Variants in OTC observed in about 807,000 individuals in gnomAD.
The protein encoded by OTC is ornithine transcarbamylase, also known as ornithine transcarbamylase, mitochondrial.
OTC carries 3 observed loss-of-function variants against 30.3 expected under a neutral mutation model. That is an observed-to-expected ratio of 0.10 (90% CI 0.05 to 0.26). The LOEUF (loss-of-function observed/expected upper bound fraction) is 0.26. Among genes scored for constraint, OTC ranks in the 10% least tolerant of loss-of-function variants. The probability of loss-of-function intolerance (pLI) is 1.00; values close to 1 mark genes in which losing one functional copy is unlikely to be tolerated. For missense variants in OTC, 194 were observed against 260.3 expected, an observed-to-expected ratio of 0.75 and a Z score of 1.75; for synonymous variants, 111 against 99.7, an observed-to-expected ratio of 1.11 and a Z score of -0.67.
intron 9 of OTC, among the ~76,000 whole-genome samples, chrX:38,412,356 T>A (rs1243069867): frequency 1.8e-5 from 2 of 112,163 alleles, no homozygotes; most frequent in Non-Finnish European, 3.8e-5. Context: ...AGTTCCTGTA[T>A]AAAATGGGCA....
At chrX:38,359,213 T>G (rs942997461) in intron 1 of OTC, among the ~76,000 whole-genome samples, 13 of 111,380 alleles carry the variant, frequency 1.2e-4, no homozygotes, top group Non-Finnish European at 2.1e-4. Flanking sequence ...GTGCTTAGGA[T>G]CCAAGATTAG....
At chrX:38,391,439 T>C (rs1178170758) in intron 4 of OTC, among the ~76,000 whole-genome samples, 1 of 111,569 alleles carries the variant, frequency 9.0e-6, no homozygotes, top group Non-Finnish European at 1.9e-5. Flanking sequence ...TCAGCTATTT[T>C]GTCTGATATC....
chrX:38,352,884 C>T lies in OTC; in HGVS notation c.77+111C>T, dbSNP rs1014100664. 2.4e-5 allele frequency: 14 copies of T among 574,686 alleles called. No individual in the cohort carries two copies. In the African/African-American group the frequency reaches 2.9e-4, roughly 12 times the overall value. The allele number at this position is 574,686 out of a possible 1,213,427, so 47.4% of individuals were successfully genotyped here. On this transcript the variant is annotated intron_variant, in intron 1 of 9. Transcript: ENST00000039007. ...GAATGTAGTGCCACGCTCTGCTTTA[C>T]TCTTATTTGAGACAGCTGCCTCTAA... is the stretch of plus-strand genomic sequence containing the variant.
Position 38,401,362 on chromosome X carries a change from A to C in OTC, c.474A>C (p.Pro158=). The C allele has an allele frequency of 8.3e-7, 1 of 1,201,025 alleles. No individual in the cohort carries two copies. Among genetic ancestry groups the C allele is most frequent in the East Asian group, 3.0e-5 (1 of 33,785 alleles). ...CCCTGGCTAAAGAAGCATCCATCCCAATTATCAATGGGCTGTCAGATTTGT... is the reference window on the plus strand; with the variant it reads ...CCCTGGCTAAAGAAGCATCCATCCCCATTATCAATGGGCTGTCAGATTTGT... ...LDTLAKEASI[P]IINGLSDLYH... Residue 158 remains proline (P), a synonymous_variant, in exon 5 of 10, where the codon CCA becomes CCC. Transcript: ENST00000039007.
chrX:38,368,415 A>G (rs2068307761), intron 2 of OTC, among the ~76,000 whole-genome samples: 1 of 111,193 alleles, frequency 9.0e-6, no homozygotes, highest in African/African-American at 3.3e-5. Flanking sequence ...TTTTGGATGC[A>G]TATCAGATAT....
At chrX:38,377,331 A>G (rs5917206) in intron 3 of OTC, among the ~76,000 whole-genome samples, 29,441 of 110,726 alleles carry the variant, frequency 0.27, 3,425 homozygotes, top group African/African-American at 0.41. Flanking sequence ...TAAGAGGGAC[A>G]TGTACATCAA....
chrX:38,412,147 T>C, intron 9 of OTC, 148 bp downstream of exon 9: 1 of 545,282 alleles, frequency 1.8e-6, no homozygotes, highest in Middle Eastern at 3.4e-4. Context: ...AACTTTATAA[T>C]ACATCATTAG....
intron 9 of OTC, 131 bp from the exon 10 acceptor site, chrX:38,420,892 T>A: frequency 2.0e-6 from 1 of 496,539 alleles, no homozygotes; most frequent in African/African-American, 2.3e-5. Context: ...ACTGTTCTCT[T>A]ACCATTTTCT....
At chrX:38,355,997 G>A (rs1336265160) in intron 1 of OTC, among the ~76,000 whole-genome samples, 1 of 102,556 alleles carries the variant, frequency 9.8e-6, no homozygotes, top group Admixed American at 1.1e-4. Context: ...GCAGTGAGCC[G>A]AGATCGCGCC....
At chrX:38,376,183 A>G (rs1192800366) in intron 3 of OTC, among the ~76,000 whole-genome samples, 3 of 110,878 alleles carry the variant, frequency 2.7e-5, no homozygotes, top group Non-Finnish European at 3.8e-5. Context: ...GTTTGATGGA[A>G]ATGAGAAGAG....
intron 6 of OTC, among the ~76,000 whole-genome samples, chrX:38,408,017 C>A (rs1294667080): frequency 1.8e-5 from 2 of 111,888 alleles, no homozygotes; most frequent in Admixed American, 1.9e-4. Context: ...CATGCATGAC[C>A]CTGAGAATGT....
chrX:38,331,979 C>A, the OTC span, among the ~76,000 whole-genome samples: 20 of 111,061 alleles, frequency 1.8e-4, no homozygotes, highest in East Asian at 5.7e-3. Context: ...AGGAACAGGG[C>A]TGCAGAGCAA....
At chrX:38,403,785 T>G (rs759883156) in intron 6 of OTC, 45 bp downstream of exon 6, 15 of 1,175,573 alleles carry the variant, frequency 1.3e-5, no homozygotes, top group Non-Finnish European at 1.6e-5. Context: ...TCTTAAATCA[T>G]CCTCAGATGC....
chrX:38,361,509 A>C (rs973887467), intron 1 of OTC, among the ~76,000 whole-genome samples: 2 of 111,793 alleles, frequency 1.8e-5, no homozygotes, highest in Non-Finnish European at 3.8e-5. Flanking sequence ...GTCCCAGGGG[A>C]AGTAACACCA....
chrX:38,409,492 C>G (rs6520358), intron 8 of OTC, among the ~76,000 whole-genome samples: 29,630 of 111,609 alleles, frequency 0.27, 3,067 homozygotes, highest in African/African-American at 0.36. Flanking sequence ...TGGCTGTCTT[C>G]CAGTAAGATC....
At chrX:38,337,631 C>T in the OTC span, among the ~76,000 whole-genome samples, 3 of 112,017 alleles carry the variant, frequency 2.7e-5, no homozygotes, top group East Asian at 2.8e-4. Context: ...CGCTTGGATT[C>T]GGTATAGATG....
chrX:38,371,332 T>C (rs2068321927), intron 3 of OTC, among the ~76,000 whole-genome samples: 1 of 111,381 alleles, frequency 9.0e-6, no homozygotes, highest in Admixed American at 9.6e-5. Flanking sequence ...ACTTTGAAAC[T>C]CGTAAGCCAC....
the OTC span, among the ~76,000 whole-genome samples, chrX:38,331,675 C>T: frequency 3.5e-3 from 382 of 109,578 alleles, 1 homozygote; most frequent in African/African-American, 0.012. Context: ...CTCTGCCTCC[C>T]GGGCTCAACC....
At chrX:38,371,958 AT>A (rs746976520) in intron 3 of OTC, among the ~76,000 whole-genome samples, 2 of 111,751 alleles carry the variant, frequency 1.8e-5, no homozygotes, top group East Asian at 5.6e-4. Context: ...GTGTGTATAT[AT>A]TTTTGTTTTT....
Sources: gnomAD v4.1 joint callset for allele counts (sites outside exome capture counted in the v4.1 genomes callset) on GRCh38, gnomAD v4.1.1 for gene constraint, MANE v1.5 for transcripts, NCBI Gene and HGNC (gene_info 2026-07-23, HGNC 2026-07-21) for gene names.